The following VWF variants were observed in gnomAD, a reference collection of about 807,000 sequenced individuals.
VWF encodes von Willebrand factor, also known as Factor VIII related antigen.
Under a neutral mutation model 308.6 loss-of-function variants are expected in VWF, and 176 were observed. The observed-to-expected ratio is 0.57, with a 90% CI of 0.50 to 0.65. VWF has a LOEUF of 0.65. Ranked by LOEUF, VWF falls within the 30% of genes least tolerant of loss-of-function variation. VWF has a pLI of 0.00. For synonymous variants in VWF, 1,385 were observed against 1,443.4 expected (o/e 0.96, Z 0.92); for missense variants, 3,146 against 3,648.2 (o/e 0.86, Z 3.55).
At chr12:6,092,534 T>C (rs926912535) in intron 6 of VWF, among the ~76,000 whole-genome samples, 4 of 150,822 alleles carry the variant, frequency 2.7e-5, no homozygotes, top group South Asian at 2.1e-4. Flanking sequence ...TGTGTGTGTG[T>C]GCACGCGCGT....
intron 35 of VWF, among the ~76,000 whole-genome samples, chr12:5,995,321 A>AT (rs1207273624): frequency 2.6e-5 from 4 of 152,134 alleles, no homozygotes; most frequent in Non-Finnish European, 5.9e-5. Context: ...TTTTGGAAGG[A>AT]TTTTTTATCA....
At position 6,018,807 on chromosome 12, in the gene VWF, G is replaced by C; in HGVS notation, c.4611C>G (p.Val1537=). 6.2e-7 allele frequency: 1 copy of C among 1,613,934 alleles called. No homozygotes were observed. The highest frequency in any genetic ancestry group is 8.5e-7 in the Non-Finnish European group (1 of 1,179,882). Residue 1537 remains valine, a synonymous_variant, in exon 28 of 52, where the codon GTC becomes GTG. Transcript: ENST00000261405. ...RMDVGQDSIH[V]TVLQYSYMVT... ...CCATGTAGGAGTACTGCAGCACCGT[G>C]ACGTGGATGCTGTCCTGGCCCACAT...
rs759901328 is a variant in VWF at position 5,996,009 on chromosome 12, T to A, written c.6056A>T (p.Asp2019Val). 40 of 1,612,578 alleles carry A rather than the reference T, an allele frequency of 2.5e-5. No individual in the cohort carries two copies. The South Asian group carries it at 4.3e-4, about 17-fold the overall frequency. ...HSALSVELHS[D>V]MEVTVNGRLV... is the part of the protein sequence containing the mutation. Reference sequence around the variant, plus strand: ...ACAGAAAGTACTTCTCACCTCCATGTCACTGTGCAGCTCGACGGAGAGGGC... The same window carrying A: ...ACAGAAAGTACTTCTCACCTCCATGACACTGTGCAGCTCGACGGAGAGGGC... The change falls in exon 35 of 52, where the codon GAC becomes GTC. Residue 2019 changes from aspartate (D) to valine (V), a missense_variant. Around this residue, in one of 3 missense-constraint regions of VWF, gnomAD observed 989 missense variants for 1,117.4 expected, o/e 0.89. Transcript: ENST00000261405.
intron 5 of VWF, among the ~76,000 whole-genome samples, chr12:6,105,701 G>A (rs982319559): frequency 1.3e-5 from 2 of 151,978 alleles, no homozygotes; most frequent in South Asian, 4.1e-4. Context: ...AAATAGAATT[G>A]CCATTAGAAA....
intron 16 of VWF, among the ~76,000 whole-genome samples, chr12:6,048,991 C>G (rs1944478045): frequency 6.6e-6 from 1 of 152,168 alleles, no homozygotes; most frequent in South Asian, 2.1e-4. Context: ...TAAAAAGCCT[C>G]AAAGATAGGT....
rs188478273 is a variant in VWF at position 5,964,227 on chromosome 12, C to A, written c.7887+3259G>T. ...GAGAGACTCTGTCTAAAAATACATA[C>A]ATACATACATACATACATACATGCA... On this transcript the variant is annotated intron_variant, in intron 47 of 51. Coordinates refer to ENST00000261405, the MANE Select transcript of VWF (RefSeq NM_000552.5). 4.9e-4 allele frequency among the ~76,000 whole-genome samples: 70 copies of A among 144,152 alleles called. 2 individuals are homozygous for A. The highest frequency in any genetic ancestry group is 1.9e-3 in the African/African-American group (66 of 35,304). 94.6% of individuals were successfully genotyped at this position (144,152 alleles called of 152,430 possible).
At position 6,019,730 on chromosome 12, in the gene VWF, C is replaced by G; in HGVS notation, c.3688G>C (p.Val1230Leu). The G allele has an allele frequency of 6.2e-7, 1 of 1,612,996 alleles. No individual in the cohort carries two copies. Residue 1230 changes from valine (V) to leucine (L), a missense_variant, in exon 28 of 52, where the codon GTC becomes CTC. Physicochemically the swap from Val to Leu is conservative, Grantham distance 32. Transcript: ENST00000261405. The surrounding 1 kb of genome is among the most constrained non-coding windows in gnomAD (Gnocchi z 5.8). ...EHCQICHCDVVNLTCEACQEP... is the reference protein window; with the variant it reads ...EHCQICHCDVLNLTCEACQEP... The stretch of plus-strand genomic sequence containing the variant: ...TGGCAGGCTTCACAGGTGAGGTTGA[C>G]AACATCACAGTGGCTGCAGAAAAGA...
intron 47 of VWF, among the ~76,000 whole-genome samples, chr12:5,962,146 T>A (rs1256395430): frequency 6.6e-6 from 1 of 152,146 alleles, no homozygotes; most frequent in African/African-American, 2.4e-5. Context: ...CTTTACAAAT[T>A]ACCCAGTCTC....
In VWF at chr12:6,103,545, TACACACACAC is replaced by T. The variant is rs139889348; in HGVS notation, c.532+6819_532+6828del. Among the ~76,000 whole-genome samples, 840 of 124,184 alleles carry T rather than the reference TACACACACAC, an allele frequency of 6.8e-3. 41 individuals carry two copies. Among genetic ancestry groups the T allele is most frequent in the African/African-American group, 0.022 (617 of 28,630 alleles). 81.5% of individuals were successfully genotyped at this position (124,184 alleles called of 152,430 possible). A position where few individuals can be genotyped will look rare whatever the true frequency, so the allele number is the denominator to read the frequency against. On this transcript the variant is annotated intron_variant, in intron 5 of 51. Transcript: ENST00000261405. ...ATATGTGTATATACACATATATGTA[TACACACACAC>T]ACACACACACACACACACACACACA...
At chr12:6,088,161 G>T (rs1440946311) in intron 6 of VWF, among the ~76,000 whole-genome samples, 2 of 152,222 alleles carry the variant, frequency 1.3e-5, no homozygotes, top group African/African-American at 4.8e-5. Context: ...TTTCCCGGCA[G>T]GTGGTGGTGA....
Position 6,031,552 on chromosome 12 carries a change from G to C in VWF, c.2712C>G (p.Thr904=), listed in dbSNP as rs1944263453. The part of the protein sequence containing the change: ...VQDYCGSNPG[T]FRILVGNKGC... ...CCTTATTCCCCACTAGGATCCGAAA[G>C]GTCCCAGGGTTACTGCCGCAGTAAT... Residue 904 remains threonine (T), a synonymous_variant, in exon 21 of 52, where the codon ACC becomes ACG. Transcript: ENST00000261405. 1 of 1,614,022 alleles carries C rather than the reference G, an allele frequency of 6.2e-7. No homozygotes were observed. Among genetic ancestry groups the C allele is most frequent in the Non-Finnish European group, 8.5e-7 (1 of 1,180,030 alleles).
At chr12:6,111,997 G>A (rs947707438) in intron 3 of VWF, among the ~76,000 whole-genome samples, 3 of 151,958 alleles carry the variant, frequency 2.0e-5, no homozygotes, top group Non-Finnish European at 4.4e-5. Context: ...TAAATAAAAT[G>A]GTATCTTAGG....
chr12:6,114,715 C>T (rs1945345216), intron 3 of VWF, among the ~76,000 whole-genome samples: 1 of 152,154 alleles, frequency 6.6e-6, no homozygotes, highest in Non-Finnish European at 1.5e-5. Context: ...AGACCAGCAT[C>T]AGGAAGTCCA....
At chr12:5,980,540 ATAGAT>A (rs1286126356) in intron 42 of VWF, among the ~76,000 whole-genome samples, 3 of 152,186 alleles carry the variant, frequency 2.0e-5, no homozygotes, top group Non-Finnish European at 2.9e-5. Flanking sequence ...TGGCATTACT[ATAGAT>A]TAAAGACACA....
At chr12:6,062,222 G>C (rs1258581322) in intron 13 of VWF, among the ~76,000 whole-genome samples, 2 of 152,104 alleles carry the variant, frequency 1.3e-5, no homozygotes, top group Admixed American at 1.3e-4. Context: ...TGATGGGAAA[G>C]GCATGAGGCA....
intron 5 of VWF, among the ~76,000 whole-genome samples, chr12:6,103,545 TACACAC>T (rs139889348): frequency 0.022 from 2,774 of 124,120 alleles, 147 homozygotes; most frequent in African/African-American, 0.044. Flanking sequence ...CATATATGTA[TACACAC>T]ACACACACAC....
chr12:6,075,447 C>G lies in VWF; in HGVS notation c.762G>C (p.Leu254Phe). ...ACTCCAGCCCCCCAGCACACTCACA[C>G]AAAGTCTTCTCACACAGGGCCACAA... ...EPFVALCEKTLCECAGGLECA... is the reference protein window; with the variant it reads ...EPFVALCEKTFCECAGGLECA... The change falls in exon 7 of 52, where the codon TTG becomes TTC. Residue 254 changes from leucine (L) to phenylalanine (F), a missense_variant. By Grantham distance (22) the Leu-to-Phe change is conservative. Transcript: ENST00000261405. The surrounding 1 kb of genome is among the most constrained non-coding windows in gnomAD (Gnocchi z 4.7). 1 of 1,614,212 alleles carries G rather than the reference C, an allele frequency of 6.2e-7. No individual in the cohort carries two copies. Among genetic ancestry groups the G allele is most frequent in the Non-Finnish European group, 8.5e-7 (1 of 1,180,030 alleles).
intron 47 of VWF, among the ~76,000 whole-genome samples, chr12:5,958,812 T>A (rs1943279186): frequency 6.6e-6 from 1 of 152,194 alleles, no homozygotes; most frequent in Admixed American, 6.5e-5. Flanking sequence ...AGATACCATA[T>A]ATGTTGAATG....
At chr12:6,098,756 G>A (rs913441816) in intron 5 of VWF, among the ~76,000 whole-genome samples, 22 of 151,808 alleles carry the variant, frequency 1.4e-4, no homozygotes, top group Non-Finnish European at 2.4e-4. Flanking sequence ...TCCAGCATGG[G>A]CAACAGAGAC....
Sources: gnomAD v4.1 joint callset for allele counts (sites outside exome capture counted in the v4.1 genomes callset) on GRCh38, gnomAD v4.1.1 for gene constraint, gnomAD v4.1.1 regional missense constraint, Gnocchi (gnomAD v3.1) non-coding constraint, MANE v1.5 for transcripts, NCBI Gene and HGNC (gene_info 2026-07-23, HGNC 2026-07-21) for gene names.